CSMD1: variants seen among roughly 807,000 people sequenced by gnomAD.
The protein encoded by CSMD1 is CUB and Sushi multiple domains 1.
A neutral mutation model predicts 417.5 loss-of-function variants in CSMD1; 213 were observed. That is an observed-to-expected ratio of 0.51 (90% CI 0.46 to 0.57). The LOEUF is 0.57. Among genes scored for constraint, CSMD1 ranks in the 20% least tolerant of loss-of-function variants. The pLI is 0.00. For missense variants in CSMD1, 6,923 were observed against 4,529.7 expected, an observed-to-expected ratio of 1.53 and a Z score of -15.17; for synonymous variants, 2,862 against 1,736.8, an observed-to-expected ratio of 1.65 and a Z score of -16.11.
At chr8:3,799,625 C>T (rs765152679) in intron 5 of CSMD1, among the ~76,000 whole-genome samples, 1 of 151,942 alleles carries the variant, frequency 6.6e-6, no homozygotes, top group Non-Finnish European at 1.5e-5. Context: ...CCCCATTTGG[C>T]TTGTACTTGT....
At chr8:3,795,945 ATC>A (rs1800069201) in intron 5 of CSMD1, among the ~76,000 whole-genome samples, 1 of 47,596 alleles carries the variant, frequency 2.1e-5, no homozygotes, top group African/African-American at 9.4e-5. Context: ...AGATATAGAT[ATC>A]TATCATGTAC....
At chr8:3,184,951 T>A (rs1273240531) in intron 36 of CSMD1, among the ~76,000 whole-genome samples, 1 of 152,224 alleles carries the variant, frequency 6.6e-6, no homozygotes, top group Non-Finnish European at 1.5e-5. Flanking sequence ...ACCACTTTGT[T>A]TTCAAGGTCC....
intron 5 of CSMD1, among the ~76,000 whole-genome samples, chr8:3,876,744 G>T (rs1038118941): frequency 6.6e-6 from 1 of 152,102 alleles, no homozygotes; most frequent in Admixed American, 6.6e-5. Context: ...TGAGTACCTG[G>T]AAGCACAGGC....
At chr8:3,145,502 T>C (rs1818788434) in intron 40 of CSMD1, among the ~76,000 whole-genome samples, 1 of 152,122 alleles carries the variant, frequency 6.6e-6, no homozygotes, top group Non-Finnish European at 1.5e-5. Flanking sequence ...TTGTTACTGA[T>C]TTGGAATTCA....
intron 3 of CSMD1, among the ~76,000 whole-genome samples, chr8:4,305,829 G>C (rs1410006684): frequency 6.6e-6 from 1 of 152,090 alleles, no homozygotes; most frequent in Non-Finnish European, 1.5e-5. Context: ...CTCTCATACT[G>C]TAACTTGCCG....
intron 3 of CSMD1, among the ~76,000 whole-genome samples, chr8:4,186,872 T>C (rs951323859): frequency 1.3e-5 from 2 of 150,562 alleles, no homozygotes; most frequent in African/African-American, 4.9e-5. Context: ...GTTGAGTGCC[T>C]GTAGTCCCAG....
intron 1 of CSMD1, among the ~76,000 whole-genome samples, chr8:4,688,000 G>A (rs1806500411): frequency 6.6e-6 from 1 of 152,148 alleles, no homozygotes; most frequent in Non-Finnish European, 1.5e-5. Context: ...TCTATCTGGT[G>A]TGTATTTCAA....
chr8:3,986,077 A>T (rs1487071486), intron 5 of CSMD1, among the ~76,000 whole-genome samples: 1 of 151,942 alleles, frequency 6.6e-6, no homozygotes, highest in East Asian at 1.9e-4. Flanking sequence ...CCCATCCAAA[A>T]ATCAAGGATC....
intron 5 of CSMD1, among the ~76,000 whole-genome samples, chr8:3,925,364 C>G (rs1294371445): frequency 6.6e-6 from 1 of 152,050 alleles, no homozygotes; most frequent in Admixed American, 6.6e-5. Flanking sequence ...TAGAAATATT[C>G]AAATGACAAT....
intron 1 of CSMD1, among the ~76,000 whole-genome samples, chr8:4,651,091 T>C (rs1468107620): frequency 6.6e-6 from 1 of 152,116 alleles, no homozygotes; most frequent in African/African-American, 2.4e-5. Flanking sequence ...TCAGGAAATA[T>C]AACATGATGC....
chr8:3,934,612 T>A lies in CSMD1; in HGVS notation c.818+63291A>T, dbSNP rs183279079. On this transcript the variant is annotated intron_variant, in intron 5 of 69. Coordinates refer to ENST00000635120, the MANE Select transcript of CSMD1 (RefSeq NM_033225.6). ...GCTGATGCCTGTAATCTCAGCACTTTGGCAGGCCAAGGAGGTAGATCACCT... is the reference window on the plus strand; with the variant it reads ...GCTGATGCCTGTAATCTCAGCACTTAGGCAGGCCAAGGAGGTAGATCACCT... Among the ~76,000 whole-genome samples the A allele has an allele frequency of 2.0e-5, 3 of 152,250 alleles. No homozygotes were observed. In the East Asian group the frequency reaches 5.8e-4, roughly 29 times the overall value.
intron 3 of CSMD1, among the ~76,000 whole-genome samples, chr8:4,045,629 G>A (rs1185985489): frequency 6.6e-6 from 1 of 152,178 alleles, no homozygotes; most frequent in African/African-American, 2.4e-5. Context: ...ACATAGAAAA[G>A]GGGAAATTAG....
chr8:4,806,975 T>C (rs920972801), intron 1 of CSMD1, among the ~76,000 whole-genome samples: 1 of 152,212 alleles, frequency 6.6e-6, no homozygotes, highest in Admixed American at 6.5e-5. Flanking sequence ...TTTTGATTTT[T>C]CAAAAGAACC....
At chr8:4,658,917 G>C (rs1438741039) in intron 1 of CSMD1, among the ~76,000 whole-genome samples, 1 of 152,090 alleles carries the variant, frequency 6.6e-6, no homozygotes, top group African/African-American at 2.4e-5. Flanking sequence ...AAAATACGTT[G>C]ATATTAATAG....
chr8:4,005,053 C>G (rs934822745), intron 4 of CSMD1, among the ~76,000 whole-genome samples: 1 of 152,138 alleles, frequency 6.6e-6, no homozygotes, highest in Non-Finnish European at 1.5e-5. Context: ...AACCAAACAT[C>G]CTATGTTCTC....
intron 3 of CSMD1, among the ~76,000 whole-genome samples, chr8:4,326,741 G>C (rs1309617239): frequency 6.6e-6 from 1 of 152,134 alleles, no homozygotes; most frequent in African/African-American, 2.4e-5. Context: ...TGATGGAATA[G>C]TAATGCCCAT....
intron 3 of CSMD1, among the ~76,000 whole-genome samples, chr8:4,137,664 T>C (rs1408688138): frequency 7.6e-6 from 1 of 131,374 alleles, no homozygotes; most frequent in Non-Finnish European, 1.8e-5. Context: ...AAATTCATAC[T>C]GAAAGTAACT....
At chr8:4,445,377 G>A (rs557500955) in intron 2 of CSMD1, among the ~76,000 whole-genome samples, 128 of 152,254 alleles carry the variant, frequency 8.4e-4, no homozygotes, top group African/African-American at 2.9e-3. Context: ...CATTTGAGGA[G>A]CTCAACAAAT....
chr8:3,282,382 T>C (rs1802806935), intron 26 of CSMD1, among the ~76,000 whole-genome samples: 1 of 151,986 alleles, frequency 6.6e-6, no homozygotes, highest in Admixed American at 6.6e-5. Flanking sequence ...AAATAAAACC[T>C]GTTGAAAAAA....
Sources: gnomAD v4.1 joint callset for allele counts (sites outside exome capture counted in the v4.1 genomes callset) on GRCh38, gnomAD v4.1.1 for gene constraint, MANE v1.5 for transcripts, NCBI Gene and HGNC (gene_info 2026-07-23, HGNC 2026-07-21) for gene names.